FIGN: variants seen among roughly 807,000 people sequenced by gnomAD.
The protein encoded by FIGN is fidgetin.
A neutral mutation model predicts 51.3 loss-of-function variants in FIGN; 11 were observed. The observed-to-expected ratio is 0.21, with a 90% CI of 0.13 to 0.35. FIGN has a LOEUF of 0.35. Among genes scored for constraint, FIGN ranks in the 10% least tolerant of loss-of-function variants. The pLI, the probability that FIGN is intolerant of heterozygous loss-of-function variation, is 1.00. For missense variants in FIGN, 857 were observed against 943.6 expected, an observed-to-expected ratio of 0.91 and a Z score of 1.20; for synonymous variants, 407 against 363.2, an observed-to-expected ratio of 1.12 and a Z score of -1.37.
chr2:163,720,383 A>G (rs900845909), intron 2 of FIGN, among the ~76,000 whole-genome samples: 22 of 152,196 alleles, frequency 1.4e-4, no homozygotes, highest in African/African-American at 2.4e-5. Context: ...AAACAATTGT[A>G]TCATGATAGC....
At chr2:163,654,972 A>T (rs964826052) in intron 2 of FIGN, among the ~76,000 whole-genome samples, 1 of 152,194 alleles carries the variant, frequency 6.6e-6, no homozygotes, top group African/African-American at 2.4e-5. Flanking sequence ...CCGGGATGGG[A>T]AGTTGAAGCA....
At chr2:163,707,468 A>G (rs1007572800) in intron 2 of FIGN, among the ~76,000 whole-genome samples, 4 of 152,152 alleles carry the variant, frequency 2.6e-5, no homozygotes, top group Non-Finnish European at 4.4e-5. Context: ...TAGTGACAAA[A>G]CAGAAACAAA....
chr2:163,695,182 T>A (rs1158602414), intron 2 of FIGN, among the ~76,000 whole-genome samples: 1 of 152,188 alleles, frequency 6.6e-6, no homozygotes, highest in Non-Finnish European at 1.5e-5. Context: ...TTAGAAGGTG[T>A]CTATATTTGA....
intron 2 of FIGN, among the ~76,000 whole-genome samples, chr2:163,657,689 G>A (rs1402049694): frequency 6.6e-5 from 10 of 152,006 alleles, no homozygotes; most frequent in Non-Finnish European, 1.0e-4. Context: ...GTGGTAGGAG[G>A]GAGGCAGGAT....
intron 2 of FIGN, among the ~76,000 whole-genome samples, chr2:163,707,242 G>C (rs937230528): frequency 6.6e-6 from 1 of 151,996 alleles, no homozygotes; most frequent in Non-Finnish European, 1.5e-5. Context: ...CCAGCTACTC[G>C]GGAGGCTGAG....
chr2:163,708,905 G>C (rs149017018), intron 2 of FIGN, among the ~76,000 whole-genome samples: 1 of 152,138 alleles, frequency 6.6e-6, no homozygotes, highest in Non-Finnish European at 1.5e-5. Flanking sequence ...AAGAAGTAAT[G>C]GTTGCATATA....
intron 2 of FIGN, among the ~76,000 whole-genome samples, chr2:163,622,309 T>G (rs1431728913): frequency 1.2e-4 from 19 of 152,040 alleles, no homozygotes. Context: ...CACTCCAGCC[T>G]CGGCGACACG....
intron 2 of FIGN, among the ~76,000 whole-genome samples, chr2:163,659,261 G>A (rs564716684): frequency 6.6e-6 from 1 of 152,254 alleles, no homozygotes; most frequent in South Asian, 2.1e-4. Flanking sequence ...TTTTCTGGAA[G>A]AGCCTCTGGA....
chr2:163,716,704 C>A (rs921618671), intron 2 of FIGN, among the ~76,000 whole-genome samples: 4 of 152,080 alleles, frequency 2.6e-5, no homozygotes, highest in African/African-American at 9.7e-5. Flanking sequence ...AAAAAGTAAT[C>A]ATATATAATC....
At chr2:163,642,413 A>G (rs1334718098) in intron 2 of FIGN, among the ~76,000 whole-genome samples, 1 of 152,216 alleles carries the variant, frequency 6.6e-6, no homozygotes, top group Admixed American at 6.5e-5. Context: ...CACTCTGATG[A>G]TCTGCTTCCT....
intron 2 of FIGN, among the ~76,000 whole-genome samples, chr2:163,676,465 A>C (rs1371590561): frequency 6.6e-5 from 7 of 106,360 alleles, no homozygotes; most frequent in African/African-American, 2.3e-4. Context: ...ATATATATAT[A>C]TATATATATA....
At chr2:163,679,812 C>T (rs114390506) in intron 2 of FIGN, among the ~76,000 whole-genome samples, 1,556 of 152,244 alleles carry the variant, frequency 0.01, 24 homozygotes, top group African/African-American at 0.036. Context: ...TCAGTTTCTA[C>T]ATCTAGTGAA....
At chr2:163,698,638 G>C (rs1204060871) in intron 2 of FIGN, among the ~76,000 whole-genome samples, 1 of 152,092 alleles carries the variant, frequency 6.6e-6, no homozygotes, top group Non-Finnish European at 1.5e-5. Context: ...AATGAAAGAT[G>C]GTAAAGTCAC....
rs902006426 is a variant in FIGN at position 163,605,150 on chromosome 2, T to C, written c.*4402A>G. ...TGAAATTTTCCTGCTTCCAGTCTAA[T>C]TGTCTTTGACAATTGCAGTGCCTAG... On this transcript the variant is annotated 3_prime_UTR_variant, in exon 3 of 3. Transcript: ENST00000333129. 3.9e-5 allele frequency: 6 copies of C among 152,010 alleles called. No homozygotes were observed. The highest frequency in any genetic ancestry group is 7.4e-5 in the Non-Finnish European group (5 of 67,968). The allele number at this position is 152,010 out of a possible 1,614,324, so 9.4% of individuals were successfully genotyped here.
chr2:163,625,447 G>T (rs1223580843), intron 2 of FIGN, among the ~76,000 whole-genome samples: 1 of 151,374 alleles, frequency 6.6e-6, no homozygotes, highest in Non-Finnish European at 1.5e-5. Flanking sequence ...TTCCTTTTTT[G>T]CAGCACTATT....
At chr2:163,651,013 G>T (rs1398016348) in intron 2 of FIGN, among the ~76,000 whole-genome samples, 1 of 152,174 alleles carries the variant, frequency 6.6e-6, no homozygotes, top group Non-Finnish European at 1.5e-5. Flanking sequence ...GGCTCAATGA[G>T]GACCCAGGGC....
At chr2:163,617,966 A>G (rs1682906519) in intron 2 of FIGN, among the ~76,000 whole-genome samples, 1 of 152,192 alleles carries the variant, frequency 6.6e-6, no homozygotes, top group African/African-American at 2.4e-5. Flanking sequence ...CTAGACAGAA[A>G]AAAAGTAAAA....
At chr2:163,699,750 G>A (rs1684379433) in intron 2 of FIGN, among the ~76,000 whole-genome samples, 1 of 152,088 alleles carries the variant, frequency 6.6e-6, no homozygotes, top group African/African-American at 2.4e-5. Context: ...GAATAGAAGA[G>A]CTATTGCCAA....
At chr2:163,620,934 T>A (rs1212262525) in intron 2 of FIGN, among the ~76,000 whole-genome samples, 1 of 151,668 alleles carries the variant, frequency 6.6e-6, no homozygotes, top group Non-Finnish European at 1.5e-5. Flanking sequence ...TAAACTGAAC[T>A]CTATTCATGT....
Sources: gnomAD v4.1 joint callset for allele counts (sites outside exome capture counted in the v4.1 genomes callset) on GRCh38, gnomAD v4.1.1 for gene constraint, MANE v1.5 for transcripts, NCBI Gene and HGNC (gene_info 2026-07-23, HGNC 2026-07-21) for gene names.